ARB2A: variants seen among roughly 807,000 people sequenced by gnomAD.
ARB2A encodes cotranscriptional regulator ARB2A.
the ARB2A span, among the ~76,000 whole-genome samples, chr5:93,789,535 C>T: frequency 6.6e-6 from 1 of 152,168 alleles, no homozygotes; most frequent in Admixed American, 6.5e-5. Flanking sequence ...GCATTCAGTG[C>T]TTCTACTTCA....
At chr5:93,766,949 A>G in the ARB2A span, among the ~76,000 whole-genome samples, 7 of 151,620 alleles carry the variant, frequency 4.6e-5, no homozygotes, top group Non-Finnish European at 4.4e-5. Context: ...ACAAAAAACC[A>G]AACACCGCAT....
At chr5:93,867,327 A>G in the ARB2A span, among the ~76,000 whole-genome samples, 39 of 152,354 alleles carry the variant, frequency 2.6e-4, no homozygotes, top group African/African-American at 8.4e-4. Context: ...TAGTTCTGTA[A>G]TATTTCTTCT....
At chr5:93,978,710 C>G in the ARB2A span, among the ~76,000 whole-genome samples, 1 of 151,926 alleles carries the variant, frequency 6.6e-6, no homozygotes, top group Non-Finnish European at 1.5e-5. Flanking sequence ...CATTAGATGC[C>G]CAGACCTCAG....
At chr5:94,017,028 T>G in the ARB2A span, among the ~76,000 whole-genome samples, 1 of 152,190 alleles carries the variant, frequency 6.6e-6, no homozygotes, top group East Asian at 1.9e-4. Flanking sequence ...TAAACAAACC[T>G]AATTATTTAC....
chr5:93,763,026 T>TA, the ARB2A span, among the ~76,000 whole-genome samples: 1 of 151,848 alleles, frequency 6.6e-6, no homozygotes, highest in Non-Finnish European at 1.5e-5. Context: ...CCAACTGCCC[T>TA]AAAAGAGCTC....
the ARB2A span, among the ~76,000 whole-genome samples, chr5:93,909,679 C>A: frequency 6.6e-6 from 1 of 150,660 alleles, no homozygotes; most frequent in Non-Finnish European, 1.5e-5. Flanking sequence ...CTAAAATAAT[C>A]CTCTTGAAAA....
the ARB2A span, among the ~76,000 whole-genome samples, chr5:93,901,001 T>C: frequency 1.3e-5 from 2 of 152,164 alleles, no homozygotes; most frequent in African/African-American, 4.8e-5. Context: ...TCTGGCATTC[T>C]GTCTGGTTTA....
At chr5:93,950,071 C>A in the ARB2A span, among the ~76,000 whole-genome samples, 1 of 152,134 alleles carries the variant, frequency 6.6e-6, no homozygotes, top group Non-Finnish European at 1.5e-5. Flanking sequence ...GAATAGTATT[C>A]CATTGCATAT....
chr5:93,845,217 T>C, the ARB2A span, among the ~76,000 whole-genome samples: 2 of 152,244 alleles, frequency 1.3e-5, no homozygotes, highest in African/African-American at 2.4e-5. Flanking sequence ...TTTCATCTAA[T>C]AGTAGAAATA....
chr5:93,744,452 A>T, the ARB2A span, among the ~76,000 whole-genome samples: 2 of 150,480 alleles, frequency 1.3e-5, no homozygotes, highest in African/African-American at 2.4e-5. Flanking sequence ...AAAAAAAAAA[A>T]AAAAAAAAAA....
chr5:93,778,653 C>T, the ARB2A span, among the ~76,000 whole-genome samples: 1 of 152,068 alleles, frequency 6.6e-6, no homozygotes, highest in Non-Finnish European at 1.5e-5. Flanking sequence ...TATTATTCAT[C>T]CAACTAGTAC....
At chr5:93,693,669 A>C in the ARB2A span, among the ~76,000 whole-genome samples, 1 of 152,306 alleles carries the variant, frequency 6.6e-6, no homozygotes, top group South Asian at 2.1e-4. Flanking sequence ...ACTATTCGAA[A>C]CAGTAGAAAA....
the ARB2A span, among the ~76,000 whole-genome samples, chr5:94,010,375 C>T: frequency 6.6e-6 from 1 of 152,068 alleles, no homozygotes; most frequent in Non-Finnish European, 1.5e-5. Flanking sequence ...AGCTCTCTAA[C>T]CGAGAAAGCA....
the ARB2A span, among the ~76,000 whole-genome samples, chr5:93,635,836 C>G: frequency 3.3e-5 from 5 of 152,172 alleles, no homozygotes; most frequent in Admixed American, 6.5e-5. Flanking sequence ...GGGGAGAAGG[C>G]TTCCAAATTA....
At chr5:93,793,803 CAGAG>C in the ARB2A span, among the ~76,000 whole-genome samples, 3 of 152,108 alleles carry the variant, frequency 2.0e-5, no homozygotes, top group Non-Finnish European at 4.4e-5. Flanking sequence ...CAAGAATGAA[CAGAG>C]AGAGAAATTA....
the ARB2A span, among the ~76,000 whole-genome samples, chr5:93,766,123 C>T: frequency 6.6e-6 from 1 of 152,100 alleles, no homozygotes; most frequent in South Asian, 2.1e-4. Context: ...AGGACATAGG[C>T]ATGGGCAAGG....
At chr5:93,800,301 G>T in the ARB2A span, among the ~76,000 whole-genome samples, 1 of 150,692 alleles carries the variant, frequency 6.6e-6, no homozygotes, top group Non-Finnish European at 1.5e-5. Flanking sequence ...AAATCTGCAA[G>T]AATACTTTAT....
the ARB2A span, among the ~76,000 whole-genome samples, chr5:93,895,165 C>T: frequency 6.6e-6 from 1 of 152,192 alleles, no homozygotes; most frequent in Non-Finnish European, 1.5e-5. Flanking sequence ...AGTTTTCATG[C>T]TTTAATTCAG....
At chr5:93,971,936 A>T in the ARB2A span, among the ~76,000 whole-genome samples, 14 of 152,316 alleles carry the variant, frequency 9.2e-5, no homozygotes, top group South Asian at 2.9e-3. Context: ...GTCAAAGGAA[A>T]TGCAAGAGTG....
Sources: gnomAD v4.1 joint callset for allele counts (sites outside exome capture counted in the v4.1 genomes callset) on GRCh38, gnomAD v4.1.1 for gene constraint, MANE v1.5 for transcripts, NCBI Gene and HGNC (gene_info 2026-07-23, HGNC 2026-07-21) for gene names.